The following CIB3 variants were observed in gnomAD, a reference collection of about 807,000 sequenced individuals.
The protein encoded by CIB3 is calcium and integrin-binding family member 3.
Under a neutral mutation model 23.4 loss-of-function variants are expected in CIB3, and 22 were observed. The ratio of observed to expected loss-of-function variants is 0.94; its 90% confidence interval spans 0.67 to 1.34. The LOEUF is 1.34. Ranked by LOEUF, CIB3 falls within the 40% of genes most tolerant of loss-of-function variation. The pLI, the probability that CIB3 is intolerant of heterozygous loss-of-function variation, is 0.00. For synonymous variants in CIB3, 93 were observed against 95.8 expected (o/e 0.97, Z 0.17); for missense variants, 258 against 247.3 (o/e 1.04, Z -0.29).
intron 4 of CIB3, among the ~76,000 whole-genome samples, chr19:16,167,340 G>T (rs2091310093): frequency 6.6e-6 from 1 of 152,182 alleles, no homozygotes; most frequent in African/African-American, 2.4e-5. Context: ...ACTGAGCCAG[G>T]CTCAGATGAC....
intron 2 of CIB3, among the ~76,000 whole-genome samples, chr19:16,170,678 T>G (rs890889551): frequency 2.8e-4 from 43 of 151,244 alleles, no homozygotes; most frequent in Admixed American, 9.9e-4. Context: ...AAAAATTAGC[T>G]GGGCGTGGTG....
At chr19:16,165,941 A>G (rs1312165229) in intron 4 of CIB3, among the ~76,000 whole-genome samples, 2 of 152,292 alleles carry the variant, frequency 1.3e-5, no homozygotes, top group Non-Finnish European at 2.9e-5. Flanking sequence ...ACAAGTATTT[A>G]TTGAGTGCCT....
intron 2 of CIB3, among the ~76,000 whole-genome samples, chr19:16,171,672 A>T (rs1343690783): frequency 6.6e-6 from 1 of 152,120 alleles, no homozygotes; most frequent in African/African-American, 2.4e-5. Context: ...GACAGACAAA[A>T]TGTCTGTCCT....
intron 4 of CIB3, among the ~76,000 whole-genome samples, chr19:16,167,430 G>A (rs914495273): frequency 6.6e-6 from 1 of 152,130 alleles, no homozygotes; most frequent in Non-Finnish European, 1.5e-5. Context: ...ACAGGTCAAG[G>A]AACAAGAAAT....
chr19:16,173,223 C>T lies in CIB3; in HGVS notation c.52-27G>A, dbSNP rs377280826. 102 of 1,613,982 alleles carry T rather than the reference C, an allele frequency of 6.3e-5. 1 individual carries two copies. In the African/African-American group the frequency reaches 1.2e-3, roughly 19 times the overall value. ...TGTGGAGAGAGGTGTTGTCTTAACC[C>T]GAACCCTGCCTCTGGGGCCTCCTCC... is the stretch of plus-strand genomic sequence containing the variant. On this transcript the variant is annotated intron_variant, in intron 1 of 5. Coordinates refer to ENST00000269878, the MANE Select transcript of CIB3 (RefSeq NM_054113.4).
At chr19:16,162,131 G>T (rs546571752) in intron 5 of CIB3, among the ~76,000 whole-genome samples, 4 of 151,494 alleles carry the variant, frequency 2.6e-5, no homozygotes, top group African/African-American at 9.7e-5. Flanking sequence ...ATGTGGCCTG[G>T]TGCAGTGACT....
chr19:16,162,886 C>CTTTTTTTTT (rs373689760), intron 5 of CIB3, among the ~76,000 whole-genome samples: 10 of 102,444 alleles, frequency 9.8e-5, no homozygotes, highest in South Asian at 3.2e-4. Flanking sequence ...CTTTTCTTTT[C>CTTTTTTTTT]TTTTTTTTTT....
intron 2 of CIB3, among the ~76,000 whole-genome samples, chr19:16,172,775 G>A (rs780769096): frequency 2.0e-5 from 3 of 151,724 alleles, no homozygotes; most frequent in Non-Finnish European, 2.9e-5. Flanking sequence ...CATAGTGAGA[G>A]CCCCATCTCT....
rs1363132098 is a variant in CIB3, at chr19:16,168,162, C to T, written c.321G>A (p.Lys107=). 3 of 1,610,832 alleles carry T rather than the reference C, an allele frequency of 1.9e-6. No individual in the cohort carries two copies. The East Asian group carries it at 6.7e-5, about 36-fold the overall frequency. ...CATAAATTTTAAAAGCATAGTAAGCCTTGAGGTCGCGGGGAGCCATTTCAC... is the reference window on the plus strand; with the variant it reads ...CATAAATTTTAAAAGCATAGTAAGCTTTGAGGTCGCGGGGAGCCATTTCAC... ...VMSEMAPRDL[K]AYYAFKIYDF... The change falls in exon 4 of 6, where the codon AAG becomes AAA. Residue 107 remains lysine (K), a synonymous_variant. Transcript: ENST00000269878.
At position 16,164,798 on chromosome 19, in the gene CIB3, A is replaced by C. The variant is rs141006582; in HGVS notation, c.462T>G (p.Asp154Glu). 1,768 of 1,614,018 alleles carry C rather than the reference A, an allele frequency of 1.1e-3. 24 individuals carry two copies. The Admixed American group carries it at 0.025, about 23-fold the overall frequency. ...EVSLVCEKVL[D>E]EADGDHDGRL... The stretch of plus-strand genomic sequence containing the variant: ...GCCCATCATGGTCTCCATCAGCCTC[A>C]TCCAGCACCTTCTCACATACCAGGC... The change falls in exon 5 of 6, where the codon GAT becomes GAG. Residue 154 changes from aspartate to glutamate, a missense_variant. By Grantham distance (45) the Asp-to-Glu change is conservative. Transcript: ENST00000269878.
intron 4 of CIB3, among the ~76,000 whole-genome samples, chr19:16,167,456 G>A (rs146866987): frequency 2.0e-5 from 3 of 152,242 alleles, no homozygotes; most frequent in Non-Finnish European, 4.4e-5. Context: ...AGCATTGCCT[G>A]GTGCTAGAAG....
chr19:16,173,460 T>G lies in CIB3; in HGVS notation c.16A>C (p.Thr6Pro), dbSNP rs1416113171. The G allele has an allele frequency of 6.2e-7, 1 of 1,614,062 alleles. No individual in the cohort carries two copies. The highest frequency in any genetic ancestry group is 1.1e-5 in the South Asian group (1 of 91,084). Residue 6 changes from threonine to proline, a missense_variant, in exon 1 of 6, where the codon ACA becomes CCA. Physicochemically the swap from Thr to Pro is conservative, Grantham distance 38. Transcript: ENST00000269878. The part of the protein sequence containing the change: MGNKQ[T>P]VFTHEQLEAY... The stretch of plus-strand genomic sequence containing the variant: ...TCCAGCTGCTCGTGTGTGAAGACTG[T>G]CTGCTTGTTGCCCATGGTGTGAACC...
chr19:16,169,623 G>A lies in CIB3; in HGVS notation c.198+7C>T, dbSNP rs2091319532. The A allele has an allele frequency of 1.9e-6, 3 of 1,611,250 alleles. No homozygotes were observed. The highest frequency in any genetic ancestry group is 2.5e-6 in the Non-Finnish European group (3 of 1,178,354). On this transcript the variant is annotated splice_region_variant and intron_variant, in intron 3 of 5. Coordinates refer to ENST00000269878, the MANE Select transcript of CIB3 (RefSeq NM_054113.4). Reference sequence around the variant, plus strand: ...TTTACCCTGTTTGTCCCATGGCCTGGGCATACCTTCAGCTCGGGCATGCTG... The same window carrying A: ...TTTACCCTGTTTGTCCCATGGCCTGAGCATACCTTCAGCTCGGGCATGCTG...
At position 16,169,643 on chromosome 19, in the gene CIB3, A is replaced by G; in HGVS notation, c.185T>C (p.Met62Thr). ...GCCTGGGCATACCTTCAGCTCGGGC[A>G]TGCTGCCAATGAGCTCGTAGGGCAC... ...VKVPYELIGS[M>T]PELKDNPFRQ... Residue 62 changes from methionine to threonine, a missense_variant, in exon 3 of 6, where the codon ATG (methionine) becomes ACG (threonine). Physicochemically the swap from Met to Thr is moderately conservative, Grantham distance 81. Transcript: ENST00000269878. The G allele has an allele frequency of 6.2e-7, 1 of 1,613,440 alleles. No homozygotes were observed. The highest frequency in any genetic ancestry group is 8.5e-7 in the Non-Finnish European group (1 of 1,179,576).
At chr19:16,169,319 T>G (rs560120105) in intron 3 of CIB3, among the ~76,000 whole-genome samples, 1 of 152,176 alleles carries the variant, frequency 6.6e-6, no homozygotes, top group East Asian at 1.9e-4. Context: ...AATTTTTGTA[T>G]TTTTAGTAGA....
At chr19:16,172,598 A>C (rs771089951) in intron 2 of CIB3, among the ~76,000 whole-genome samples, 356 of 152,230 alleles carry the variant, frequency 2.3e-3, no homozygotes, top group Admixed American at 4.3e-3. Flanking sequence ...CAGCTTCTCC[A>C]TCTCTGCCTC....
intron 4 of CIB3, among the ~76,000 whole-genome samples, chr19:16,166,723 A>G (rs890590182): frequency 2.6e-5 from 4 of 152,196 alleles, no homozygotes; most frequent in African/African-American, 9.7e-5. Flanking sequence ...TGCAACAAGT[A>G]TTTATTGAGC....
chr19:16,170,140 T>C (rs8107000), intron 2 of CIB3, among the ~76,000 whole-genome samples: 103,217 of 151,958 alleles, frequency 0.68, 35,964 homozygotes, highest in East Asian at 0.95. Flanking sequence ...CACTGCACAC[T>C]GAGGTATACT....
At chr19:16,165,778 T>G (rs1054073410) in intron 4 of CIB3, among the ~76,000 whole-genome samples, 1 of 152,214 alleles carries the variant, frequency 6.6e-6, no homozygotes, top group African/African-American at 2.4e-5. Flanking sequence ...GAGTGCCTGC[T>G]GTGTGCTAGG....
Sources: gnomAD v4.1 joint callset for allele counts (sites outside exome capture counted in the v4.1 genomes callset) on GRCh38, gnomAD v4.1.1 for gene constraint, MANE v1.5 for transcripts, NCBI Gene and HGNC (gene_info 2026-07-23, HGNC 2026-07-21) for gene names.